ENTHD1: variants seen among roughly 807,000 people sequenced by gnomAD.
ENTHD1 encodes the protein ENTH domain containing 1.
A neutral mutation model predicts 39.1 loss-of-function variants in ENTHD1; 23 were observed. That is an observed-to-expected ratio of 0.59 (90% CI 0.42 to 0.83). The LOEUF is 0.83. ENTHD1 is among the 40% of genes least tolerant of loss of function. The pLI, the probability that ENTHD1 is intolerant of heterozygous loss-of-function variation, is 0.00. For missense variants in ENTHD1, 624 were observed against 705.4 expected (o/e 0.88, Z 1.31); for synonymous variants, 230 against 258.2 (o/e 0.89, Z 1.05).
chr22:39,827,080 A>T (rs1192156143), intron 4 of ENTHD1, among the ~76,000 whole-genome samples: 1 of 148,582 alleles, frequency 6.7e-6, no homozygotes, highest in East Asian at 2.0e-4. Flanking sequence ...CAGTGGCGCG[A>T]TCTCGGCTCA....
intron 5 of ENTHD1, among the ~76,000 whole-genome samples, chr22:39,819,375 C>CA (rs1409836938): frequency 1.9e-5 from 2 of 103,334 alleles, no homozygotes; most frequent in Admixed American, 9.4e-5. Context: ...AAAACAAAAA[C>CA]AAAAACAAAA....
intron 6 of ENTHD1, among the ~76,000 whole-genome samples, chr22:39,745,551 A>G (rs1845102471): frequency 6.6e-6 from 1 of 152,302 alleles, no homozygotes; most frequent in African/African-American, 2.4e-5. Flanking sequence ...GGGATGAAAT[A>G]TATTCTCAGC....
At chr22:39,835,709 G>A (rs6001692) in intron 4 of ENTHD1, 131 bp downstream of exon 4, 9 of 545,018 alleles carry the variant, frequency 1.7e-5, no homozygotes, top group African/African-American at 5.8e-5. Context: ...ACAGCCCTAC[G>A]GACACCTTGA....
At chr22:39,882,714 C>T (rs906876896) in intron 2 of ENTHD1, among the ~76,000 whole-genome samples, 1 of 151,948 alleles carries the variant, frequency 6.6e-6, no homozygotes, top group African/African-American at 2.4e-5. Flanking sequence ...TTAGAAAATA[C>T]ACAAAGAGGG....
chr22:39,786,331 TCAAA>T (rs1264373432), intron 5 of ENTHD1, among the ~76,000 whole-genome samples: 2 of 152,194 alleles, frequency 1.3e-5, no homozygotes, highest in Non-Finnish European at 2.9e-5. Context: ...AGTGATTAAA[TCAAA>T]CTAACGAATA....
In ENTHD1 at chr22:39,861,949, C is replaced by A; in HGVS notation, c.408G>T (p.Leu136Phe). The change falls in exon 3 of 7, where the codon TTG becomes TTT. Residue 136 changes from leucine (L) to phenylalanine (F), a missense_variant. Physicochemically the swap from Leu to Phe is conservative, Grantham distance 22. Transcript: ENST00000325157. ...ATGCCACTTCCCTCTCTTTACACAGCAATGGTTCATCCATCAGCAATGTGA... is the reference window on the plus strand; with the variant it reads ...ATGCCACTTCCCTCTCTTTACACAGAAATGGTTCATCCATCAGCAATGTGA... ...QVITLLMDEP[L>F]LCKEREVACR... 2 of 1,581,030 alleles carry A rather than the reference C, an allele frequency of 1.3e-6. No individual in the cohort carries two copies. Among genetic ancestry groups the A allele is most frequent in the Non-Finnish European group, 1.7e-6 (2 of 1,158,190 alleles).
rs181931932 is a variant in ENTHD1 at position 39,804,525 on chromosome 22, G to A, written c.832+16468C>T. Reference sequence around the variant, plus strand: ...ATCCCATTTCCCTCTTTAACCTCAGGACATCCCCAACCTTTTGCTCTTTTC... The same window carrying A: ...ATCCCATTTCCCTCTTTAACCTCAGAACATCCCCAACCTTTTGCTCTTTTC... On this transcript the variant is annotated intron_variant, in intron 5 of 6. Coordinates refer to ENST00000325157, the MANE Select transcript of ENTHD1 (RefSeq NM_152512.4). 2.4e-3 allele frequency among the ~76,000 whole-genome samples: 366 copies of A among 151,506 alleles called. 4 individuals are homozygous for A. The highest frequency in any genetic ancestry group is 8.4e-3 in the African/African-American group (347 of 41,218).
At chr22:39,864,718 C>T (rs1176038637) in intron 2 of ENTHD1, among the ~76,000 whole-genome samples, 1 of 151,976 alleles carries the variant, frequency 6.6e-6, no homozygotes, top group Non-Finnish European at 1.5e-5. Flanking sequence ...ATGGTGAAAC[C>T]CTGTCTCTAC....
chr22:39,861,685 A>G (rs943725441), intron 3 of ENTHD1, 80 bp downstream of exon 3: 3 of 1,151,352 alleles, frequency 2.6e-6, no homozygotes, highest in Non-Finnish European at 3.4e-6. Flanking sequence ...ATAATTTAGT[A>G]CTAAAACATA....
rs568063338 is a variant in ENTHD1, at chr22:39,877,923, T to C, written c.349+9477A>G. On this transcript the variant is annotated intron_variant, in intron 2 of 6. Coordinates refer to ENST00000325157, the MANE Select transcript of ENTHD1 (RefSeq NM_152512.4). ...ATCAAGAAAAAATCATAAGACATAC[T>C]AAAAGGAAAAAATCACAGTTTGAGG... Among the ~76,000 whole-genome samples the C allele has an allele frequency of 2.0e-5, 3 of 151,948 alleles. No homozygotes were observed. In the East Asian group the frequency reaches 5.8e-4, roughly 29 times the overall value.
At chr22:39,816,363 A>T (rs2065733892) in intron 5 of ENTHD1, among the ~76,000 whole-genome samples, 1 of 152,236 alleles carries the variant, frequency 6.6e-6, no homozygotes, top group Non-Finnish European at 1.5e-5. Flanking sequence ...ACGCCATTTC[A>T]TCATTGTTTA....
chr22:39,790,155 T>C (rs1393141190), intron 5 of ENTHD1, among the ~76,000 whole-genome samples: 2 of 152,132 alleles, frequency 1.3e-5, no homozygotes, highest in East Asian at 1.9e-4. Flanking sequence ...TTGTGTGAGA[T>C]GAGAAGTCCC....
At chr22:39,887,158 G>A (rs549518639) in intron 2 of ENTHD1, among the ~76,000 whole-genome samples, 45 of 152,104 alleles carry the variant, frequency 3.0e-4, no homozygotes, top group Non-Finnish European at 6.0e-4. Context: ...GGTATAAAAT[G>A]ATCCCCCAAA....
intron 4 of ENTHD1, among the ~76,000 whole-genome samples, chr22:39,827,246 A>C (rs1299036682): frequency 6.6e-6 from 1 of 151,802 alleles, no homozygotes; most frequent in Admixed American, 6.6e-5. Flanking sequence ...CGATCTTCTG[A>C]CCTCGTGATC....
intron 2 of ENTHD1, among the ~76,000 whole-genome samples, chr22:39,874,992 C>T (rs945342034): frequency 2.6e-5 from 4 of 152,086 alleles, no homozygotes; most frequent in African/African-American, 9.7e-5. Flanking sequence ...TCAGGATATA[C>T]CAAAGAGAAC....
At chr22:39,828,477 G>A (rs1306901762) in intron 4 of ENTHD1, among the ~76,000 whole-genome samples, 1 of 152,050 alleles carries the variant, frequency 6.6e-6, no homozygotes, top group Admixed American at 6.6e-5. Context: ...TATAATAAAT[G>A]GCATCCCAAT....
chr22:39,812,993 G>A (rs1313483802), intron 5 of ENTHD1, among the ~76,000 whole-genome samples: 2 of 152,250 alleles, frequency 1.3e-5, no homozygotes, highest in African/African-American at 2.4e-5. Flanking sequence ...GTGTTGGCCA[G>A]GCTGGTCTTG....
chr22:39,861,846 A>G lies in ENTHD1; in HGVS notation c.511T>C (p.Cys171Arg), dbSNP rs150632651. The G allele has an allele frequency of 1.4e-4, 224 of 1,604,894 alleles. No homozygotes were observed. Among genetic ancestry groups the G allele is most frequent in the Non-Finnish European group, 1.9e-4 (222 of 1,173,950 alleles). The change falls in exon 3 of 7, where the codon TGC becomes CGC. Residue 171 changes from cysteine (C) to arginine (R), a missense_variant. Coordinates refer to ENST00000325157, the MANE Select transcript of ENTHD1 (RefSeq NM_152512.4). The stretch of plus-strand genomic sequence containing the variant: ...ATATCCGGTGTGGGGGCAGAAGTGC[A>G]CGCTGTCAGTGAGTTACTTGAACCA... The part of the protein sequence containing the change: ...QLGSSNSLTA[C>R]TSAPTPDISA...
chr22:39,887,379 A>G, intron 2 of ENTHD1, 21 bp downstream of exon 2: 1 of 1,573,290 alleles, frequency 6.4e-7, no homozygotes, highest in Non-Finnish European at 8.6e-7. Flanking sequence ...CCCAGCTTAT[A>G]TAAACTTCTT....
Sources: gnomAD v4.1 joint callset for allele counts (sites outside exome capture counted in the v4.1 genomes callset) on GRCh38, gnomAD v4.1.1 for gene constraint, MANE v1.5 for transcripts, NCBI Gene and HGNC (gene_info 2026-07-23, HGNC 2026-07-21) for gene names.